HDGFL3: variants seen among roughly 807,000 people sequenced by gnomAD.
The protein encoded by HDGFL3 is hepatoma-derived growth factor-related protein 3.
HDGFL3 carries 6 observed loss-of-function variants against 27.6 expected under a neutral mutation model. The ratio of observed to expected loss-of-function variants is 0.22; its 90% confidence interval spans 0.12 to 0.43. HDGFL3 has a LOEUF of 0.43. HDGFL3 is among the 20% of genes least tolerant of loss of function. The pLI, the probability that HDGFL3 is intolerant of heterozygous loss-of-function variation, is 1.00. For synonymous variants in HDGFL3, 88 were observed against 88.9 expected, an observed-to-expected ratio of 0.99 and a Z score of 0.05; for missense variants, 207 against 250.1, an observed-to-expected ratio of 0.83 and a Z score of 1.16.
intron 5 of HDGFL3, chr15:83,144,934 G>C (rs1785036846): frequency 1.8e-5 from 3 of 164,894 alleles, no homozygotes; most frequent in Non-Finnish European, 4.0e-5. Flanking sequence ...CCTGGCCACA[G>C]ATGAGTAACT....
chr15:83,158,156 C>T (rs1038230451), intron 2 of HDGFL3, 115 bp from the exon 3 acceptor site: 15 of 820,602 alleles, frequency 1.8e-5, no homozygotes, highest in Middle Eastern at 3.6e-4. Context: ...ATCTAAAGTA[C>T]ATATAAACCC....
chr15:83,120,845 CGT>C (rs1314971108), intron 3 of HDGFL3, among the ~76,000 whole-genome samples: 1 of 151,290 alleles, frequency 6.6e-6, no homozygotes, highest in Non-Finnish European at 1.5e-5. Flanking sequence ...GGATTACAGG[CGT>C]GAACCACCGT....
At chr15:83,148,379 T>C (rs908626234) in intron 5 of HDGFL3, among the ~76,000 whole-genome samples, 1 of 152,116 alleles carries the variant, frequency 6.6e-6, no homozygotes, top group Non-Finnish European at 1.5e-5. Flanking sequence ...CCCAGCACTT[T>C]GGGAGGCTGA....
In HDGFL3 at chr15:83,172,775, C is replaced by T. The variant is rs949534792; in HGVS notation, c.85-8700G>A. Among the ~76,000 whole-genome samples the T allele has an allele frequency of 2.0e-5, 3 of 150,420 alleles. No homozygotes were observed. In the East Asian group the frequency reaches 5.9e-4, roughly 29 times the overall value. On this transcript the variant is annotated intron_variant, in intron 1 of 5. Transcript: ENST00000299633. The stretch of plus-strand genomic sequence containing the variant: ...GGCGGAGGCTGCAGTGAGCTGAGAT[C>T]GCGCCACTGCACTCCAGCCTGGGTG...
Position 83,132,014 on chromosome 15 carries a change from C to G in HDGFL3, c.*7256G>C, listed in dbSNP as rs1263135217. 6.6e-6 allele frequency: 1 copy of G among 152,178 alleles called. No individual in the cohort carries two copies. The highest frequency in any genetic ancestry group is 1.9e-4 in the East Asian group (1 of 5,194). The allele number at this position is 152,178 out of a possible 1,614,324, so 9.4% of individuals were successfully genotyped here. A position where few individuals can be genotyped will look rare whatever the true frequency, so the allele number is the denominator to read the frequency against. Reference sequence around the variant, plus strand: ...TAGGAACATAAGCTCTGGAGGTGAACTGGTTCAGATTCTAGCCTGTTGCTG... The same window carrying G: ...TAGGAACATAAGCTCTGGAGGTGAAGTGGTTCAGATTCTAGCCTGTTGCTG... On this transcript the variant is annotated 3_prime_UTR_variant, in exon 6 of 6. Transcript: ENST00000299633.
At chr15:83,122,657 T>C in intron 3 of HDGFL3, 11 of 1,371,862 alleles carry the variant, frequency 8.0e-6, no homozygotes, top group South Asian at 1.3e-5. Context: ...GTCTGGCCCA[T>C]AGCAAAATTT....
chr15:83,127,012 G>A (rs1020993773), downstream of HDGFL3, among the ~76,000 whole-genome samples: 8 of 152,140 alleles, frequency 5.3e-5, no homozygotes, highest in African/African-American at 1.9e-4. Flanking sequence ...CCAGCATGGT[G>A]AAACCCCATC....
At chr15:83,167,298 G>A (rs55691648) in intron 1 of HDGFL3, among the ~76,000 whole-genome samples, 12,347 of 152,274 alleles carry the variant, frequency 0.081, 561 homozygotes, top group Middle Eastern at 0.12. Flanking sequence ...GCTCACCCCT[G>A]TAATCTCAAC....
chr15:83,203,317 T>G (rs2037673501), intron 1 of HDGFL3, among the ~76,000 whole-genome samples: 1 of 152,046 alleles, frequency 6.6e-6, no homozygotes, highest in Non-Finnish European at 1.5e-5. Context: ...AGCTAAAAAG[T>G]AAATTTTACT....
Position 83,207,471 on chromosome 15 carries a change from C to T in HDGFL3, c.-57G>A, listed in dbSNP as rs574408787. The T allele has an allele frequency of 1.4e-4, 169 of 1,204,382 alleles. 1 individual carries two copies. In the African/African-American group the frequency reaches 1.8e-3, roughly 13 times the overall value. The allele number at this position is 1,204,382 out of a possible 1,614,324, so 74.6% of individuals were successfully genotyped here. ...TCGCCGCGAAGATGCCGGGAGGCCG[C>T]CCCCCCGCGGGCCGACGAATTGCGC... On this transcript the variant is annotated 5_prime_UTR_variant, in exon 1 of 6. Transcript: ENST00000299633. The surrounding 1 kb of genome is among the most constrained non-coding windows in gnomAD (Gnocchi z 4.8).
At chr15:83,125,263 T>C (rs1017878437), downstream of HDGFL3, among the ~76,000 whole-genome samples, 1 of 152,144 alleles carries the variant, frequency 6.6e-6, no homozygotes, top group Non-Finnish European at 1.5e-5. Context: ...AGTAAATTCA[T>C]CTCACGCCTG....
intron 1 of HDGFL3, among the ~76,000 whole-genome samples, chr15:83,196,349 T>G (rs1266566159): frequency 6.6e-6 from 1 of 151,922 alleles, no homozygotes; most frequent in East Asian, 1.9e-4. Context: ...AAAAGAACAC[T>G]AAATGAATTA....
At chr15:83,146,512 C>T (rs893214660) in intron 5 of HDGFL3, among the ~76,000 whole-genome samples, 1 of 152,136 alleles carries the variant, frequency 6.6e-6, no homozygotes, top group Non-Finnish European at 1.5e-5. Context: ...TCTGTTGACT[C>T]TCTCCCTTTC....
chr15:83,199,970 A>T (rs949862977), intron 1 of HDGFL3, among the ~76,000 whole-genome samples: 1 of 148,262 alleles, frequency 6.7e-6, no homozygotes, highest in Non-Finnish European at 1.5e-5. Flanking sequence ...GCTTAAACTC[A>T]GGAGGCAGAG....
chr15:83,205,726 G>C (rs7495630), intron 1 of HDGFL3, among the ~76,000 whole-genome samples: 30,484 of 152,142 alleles, frequency 0.2, 3,192 homozygotes, highest in Admixed American at 0.22. Context: ...TGGCCCTAAA[G>C]CTATACATTT....
intron 2 of HDGFL3, among the ~76,000 whole-genome samples, chr15:83,161,200 G>A (rs544158328): frequency 6.6e-6 from 1 of 152,140 alleles, no homozygotes; most frequent in Non-Finnish European, 1.5e-5. Context: ...GCTAATCAGG[G>A]CTTGCCTATA....
chr15:83,176,883 T>C (rs1201401707), intron 1 of HDGFL3, among the ~76,000 whole-genome samples: 1 of 106,572 alleles, frequency 9.4e-6, no homozygotes, highest in East Asian at 2.2e-4. Context: ...ATGTCAAATT[T>C]CCTATTTTTT....
At chr15:83,152,375 C>T (rs1398593610) in intron 4 of HDGFL3, among the ~76,000 whole-genome samples, 7 of 151,990 alleles carry the variant, frequency 4.6e-5, no homozygotes, top group Admixed American at 1.3e-4. Flanking sequence ...GCTTGGCCAA[C>T]ATGGCAAAAC....
chr15:83,172,895 T>C (rs138770988), intron 1 of HDGFL3, among the ~76,000 whole-genome samples: 2 of 151,958 alleles, frequency 1.3e-5, no homozygotes, highest in African/African-American at 4.8e-5. Context: ...ATAAAGGTAT[T>C]CATCTTGGTA....
Sources: allele counts gnomAD v4.1 joint callset (sites outside exome capture counted in the v4.1 genomes callset), GRCh38; gene constraint gnomAD v4.1.1; non-coding constraint Gnocchi (gnomAD v3.1); transcripts MANE v1.5; gene names NCBI Gene and HGNC (gene_info 2026-07-23, HGNC 2026-07-21).